Variants in ASCC3 observed in about 807,000 individuals in gnomAD.
ASCC3 encodes the protein activating signal cointegrator 1 complex subunit 3, also known as ASC-1 complex subunit P200.
In ASCC3, 158 loss-of-function variants were observed where a neutral mutation model predicts 256.3. The observed-to-expected ratio is 0.62, with a 90% CI of 0.54 to 0.70. The LOEUF is 0.70. Ranked by LOEUF, ASCC3 falls within the 30% of genes least tolerant of loss-of-function variation. The pLI is 0.00. For missense variants in ASCC3, 2,259 were observed against 2,626.0 expected, an observed-to-expected ratio of 0.86 and a Z score of 3.05; for synonymous variants, 948 against 883.4, an observed-to-expected ratio of 1.07 and a Z score of -1.30.
intron 4 of ASCC3, among the ~76,000 whole-genome samples, chr6:100,839,023 A>G (rs1039993726): frequency 2.6e-5 from 4 of 152,102 alleles, no homozygotes; most frequent in Non-Finnish European, 5.9e-5. Context: ...ATTAACAGAA[A>G]CATATCTTTG....
chr6:100,564,954 A>C (rs1210672365), intron 36 of ASCC3, among the ~76,000 whole-genome samples: 1 of 152,210 alleles, frequency 6.6e-6, no homozygotes, highest in Non-Finnish European at 1.5e-5. Flanking sequence ...TGTGTAACAA[A>C]AAGGCTTATT....
chr6:100,874,074 T>C (rs1437292169), intron 1 of ASCC3, among the ~76,000 whole-genome samples: 2 of 152,212 alleles, frequency 1.3e-5, no homozygotes, highest in East Asian at 3.8e-4. Context: ...AGTTCATTGT[T>C]ACCTATAAAT....
chr6:100,700,357 G>T (rs527701979), intron 13 of ASCC3, among the ~76,000 whole-genome samples: 3 of 152,290 alleles, frequency 2.0e-5, no homozygotes, highest in Non-Finnish European at 4.4e-5. Flanking sequence ...GTATGAAAAT[G>T]TCTGGATACC....
At chr6:100,625,559 G>T (rs1463040120) in intron 29 of ASCC3, among the ~76,000 whole-genome samples, 1 of 152,032 alleles carries the variant, frequency 6.6e-6, no homozygotes, top group African/African-American at 2.4e-5. Context: ...GGAGAGAAAA[G>T]ATTTAATTAT....
chr6:100,877,857 T>C (rs1026386138), intron 1 of ASCC3, among the ~76,000 whole-genome samples: 7 of 152,246 alleles, frequency 4.6e-5, no homozygotes, highest in African/African-American at 1.4e-4. Context: ...TCTTGCTGCA[T>C]TGCATGATTC....
chr6:100,727,514 G>A (rs553668418), intron 10 of ASCC3, among the ~76,000 whole-genome samples: 1 of 151,892 alleles, frequency 6.6e-6, no homozygotes, highest in Admixed American at 6.6e-5. Context: ...TGCTCCTTGA[G>A]AAACAGAAAA....
intron 38 of ASCC3, among the ~76,000 whole-genome samples, chr6:100,516,875 G>A (rs1035909874): frequency 1.3e-5 from 2 of 151,950 alleles, no homozygotes; most frequent in East Asian, 3.9e-4. Context: ...AGAGTGCTGT[G>A]AAAACTGTAT....
At position 100,794,779 on chromosome 6, in the gene ASCC3, T is replaced by C. The variant is rs2055162; in HGVS notation, c.1395+3934A>G. Among the ~76,000 whole-genome samples, 3,332 of 152,100 alleles carry C rather than the reference T, an allele frequency of 0.022. 228 individuals carry two copies. In the East Asian group the frequency reaches 0.26, roughly 12 times the overall value. ...TTATATTACTTTTCTAAATCAAGTG[T>C]TATGTTTGGGCCAGTAGTCCATTTT... On this transcript the variant is annotated intron_variant, in intron 8 of 41. Transcript: ENST00000369162.
chr6:100,739,050 C>T (rs1780308470), intron 10 of ASCC3, among the ~76,000 whole-genome samples: 4 of 152,056 alleles, frequency 2.6e-5, no homozygotes, highest in Admixed American at 2.6e-4. Flanking sequence ...CAGCTTTTGC[C>T]AATTCAGTAT....
intron 4 of ASCC3, among the ~76,000 whole-genome samples, chr6:100,810,276 C>T (rs1182734363): frequency 6.6e-6 from 1 of 152,100 alleles, no homozygotes; most frequent in Non-Finnish European, 1.5e-5. Flanking sequence ...AGCACAGTAA[C>T]CTCTCCTTTC....
chr6:100,671,431 C>A (rs1776737772), intron 14 of ASCC3, among the ~76,000 whole-genome samples: 1 of 152,046 alleles, frequency 6.6e-6, no homozygotes, highest in Admixed American at 6.6e-5. Flanking sequence ...CCACAGAAGC[C>A]ATTTGAGATC....
intron 34 of ASCC3, among the ~76,000 whole-genome samples, chr6:100,594,776 A>G (rs919814391): frequency 6.6e-6 from 1 of 152,140 alleles, no homozygotes; most frequent in African/African-American, 2.4e-5. Flanking sequence ...AGATATGGAA[A>G]CAATATAAGT....
intron 1 of ASCC3, among the ~76,000 whole-genome samples, chr6:100,868,570 T>C (rs986065298): frequency 6.6e-6 from 1 of 152,224 alleles, no homozygotes; most frequent in Non-Finnish European, 1.5e-5. Flanking sequence ...ATTTTAATTC[T>C]TTTTATAGCA....
At chr6:100,635,788 T>C (rs796930920) in intron 25 of ASCC3, among the ~76,000 whole-genome samples, 21 of 152,282 alleles carry the variant, frequency 1.4e-4, no homozygotes, top group African/African-American at 5.0e-4. Context: ...ACTTGACTTG[T>C]AATGTATTTG....
chr6:100,613,010 A>G (rs903313217), intron 30 of ASCC3, among the ~76,000 whole-genome samples: 36 of 152,010 alleles, frequency 2.4e-4, no homozygotes, highest in Non-Finnish European at 2.9e-5. Context: ...AAATATACAC[A>G]ATACTATTTT....
chr6:100,805,696 A>G, intron 5 of ASCC3, 64 bp downstream of exon 5: 2 of 1,559,176 alleles, frequency 1.3e-6, no homozygotes, highest in Non-Finnish European at 1.7e-6. Context: ...TAATTACATT[A>G]AAAACATTTG....
rs763699920 is a variant in ASCC3, at chr6:100,767,277, G to C, written c.1464C>G (p.Ala488=). ...NRIQSIVFET[A]YNTNENMLIC... is the part of the protein sequence containing the mutation. ...TCAGCATGTTCTCATTGGTGTTGTA[G>C]GCAGTCTCAAACACTATTGACTGGA... The change falls in exon 9 of 42, where the codon GCC becomes GCG. Residue 488 remains alanine, a synonymous_variant. Coordinates refer to ENST00000369162, the MANE Select transcript of ASCC3 (RefSeq NM_006828.4). 6.2e-7 allele frequency: 1 copy of C among 1,613,890 alleles called. No homozygotes were observed.
At chr6:100,566,109 A>G (rs1255678677) in intron 36 of ASCC3, among the ~76,000 whole-genome samples, 1 of 152,214 alleles carries the variant, frequency 6.6e-6, no homozygotes, top group Admixed American at 6.5e-5. Flanking sequence ...ACCAAAACAC[A>G]GCACAACACA....
At chr6:100,793,871 T>C (rs1769472643) in intron 8 of ASCC3, among the ~76,000 whole-genome samples, 1 of 152,002 alleles carries the variant, frequency 6.6e-6, no homozygotes. Flanking sequence ...ACTAACACTG[T>C]ATGCTGAACA....
Sources: allele counts gnomAD v4.1 joint callset (sites outside exome capture counted in the v4.1 genomes callset), GRCh38; gene constraint gnomAD v4.1.1; transcripts MANE v1.5; gene names NCBI Gene and HGNC (gene_info 2026-07-23, HGNC 2026-07-21).